Variants in NUP188 observed in about 807,000 individuals in gnomAD.
The protein encoded by NUP188 is nucleoporin NUP188.
NUP188 carries 97 observed loss-of-function variants against 223.0 expected under a neutral mutation model. The ratio of observed to expected loss-of-function variants is 0.43; its 90% CI spans 0.37 to 0.51. The LOEUF (loss-of-function observed/expected upper bound fraction) is 0.51, where lower values mean the gene tolerates loss of function less well. NUP188 is among the 20% of genes least tolerant of loss of function. The pLI, the probability that NUP188 is intolerant of heterozygous loss-of-function variation, is 0.00. For synonymous variants in NUP188, 869 were observed against 828.0 expected, an observed-to-expected ratio of 1.05 and a Z score of -0.85; for missense variants, 1,947 against 2,175.6, an observed-to-expected ratio of 0.89 and a Z score of 2.09.
chr9:128,963,579 ATGT>A (rs1255631791), intron 8 of NUP188, among the ~76,000 whole-genome samples: 5 of 152,264 alleles, frequency 3.3e-5, no homozygotes, highest in Non-Finnish European at 2.9e-5. Context: ...CCCACCAGAA[ATGT>A]ATGAGAATTC....
rs371908727 is a variant in NUP188 at position 128,981,350 on chromosome 9, T to G, written c.1476T>G (p.Thr492=). The G allele has an allele frequency of 1.9e-6, 3 of 1,613,950 alleles. No individual in the cohort carries two copies. The African/African-American group carries it at 4.0e-5, about 22-fold the overall frequency. Residue 492 remains threonine, a synonymous_variant, in exon 15 of 44, where the codon ACT becomes ACG. Coordinates refer to ENST00000372577, the MANE Select transcript of NUP188 (RefSeq NM_015354.3). ...ATGTGATCTCCCATGAAGATGGAAC[T>G]CTTTGGCGGAGACAAACACCCAAAC... is the stretch of plus-strand genomic sequence containing the variant. ...PHDVISHEDG[T]LWRRQTPKLL...
At chr9:128,986,528 C>CG in intron 20 of NUP188, 30 bp from the exon 21 acceptor site, 1 of 1,603,050 alleles carries the variant, frequency 6.2e-7, no homozygotes, top group Non-Finnish European at 8.5e-7. Context: ...CTTAAATGTG[C>CG]GGAAGTCCTC....
intron 3 of NUP188, among the ~76,000 whole-genome samples, chr9:128,954,934 A>T (rs966461807): frequency 2.0e-5 from 3 of 150,862 alleles, no homozygotes; most frequent in African/African-American, 4.9e-5. Context: ...GCTCACTGCA[A>T]CCTTTGCCTC....
chr9:128,968,557 A>G lies in NUP188; in HGVS notation c.637A>G (p.Met213Val), dbSNP rs767142903. 1.4e-5 allele frequency: 22 copies of G among 1,614,130 alleles called. No individual in the cohort carries two copies. In the East Asian group the frequency reaches 4.5e-4, roughly 33 times the overall value. Residue 213 changes from methionine (M) to valine (V), a missense_variant, in exon 9 of 44, where the codon ATG becomes GTG. Physicochemically the swap from Met to Val is conservative, Grantham distance 21. Transcript: ENST00000372577. The stretch of plus-strand genomic sequence containing the variant: ...TGTTCAGTGCCTTCGGGAACAGTCC[A>G]TGCTGCTAGAAATTATTTTCCTTTA... ...WFVQCLREQS[M>V]LLEIIFLYYA...
intron 8 of NUP188, among the ~76,000 whole-genome samples, chr9:128,962,790 G>A (rs1416533922): frequency 6.6e-6 from 1 of 152,154 alleles, no homozygotes; most frequent in Admixed American, 6.6e-5. Context: ...TTTTTAATGG[G>A]AAGCATTTTG....
chr9:129,003,433 T>G lies in NUP188; in HGVS notation c.4413T>G (p.Pro1471=). Residue 1471 remains proline (P), a synonymous_variant, in exon 38 of 44, where the codon CCT becomes CCG. Transcript: ENST00000372577. ...NFMKEWHFHL[P]QLMRDIQVNL... Reference sequence around the variant, plus strand: ...TGAAGGAGTGGCACTTCCACCTGCCTCAGCTCATGCGTGATATCCAGGTGG... The same window carrying G: ...TGAAGGAGTGGCACTTCCACCTGCCGCAGCTCATGCGTGATATCCAGGTGG... 2 of 1,611,830 alleles carry G rather than the reference T, an allele frequency of 1.2e-6. No homozygotes were observed. Among genetic ancestry groups the G allele is most frequent in the Non-Finnish European group, 1.7e-6 (2 of 1,179,958 alleles).
intron 8 of NUP188, among the ~76,000 whole-genome samples, chr9:128,959,385 G>T (rs946261861): frequency 2.7e-5 from 4 of 149,318 alleles, no homozygotes; most frequent in East Asian, 2.0e-4. Context: ...CAGGTGATCC[G>T]CCCACCTCAG....
At chr9:128,995,621 T>A in intron 30 of NUP188, 107 bp downstream of exon 30, 5 of 969,150 alleles carry the variant, frequency 5.2e-6, no homozygotes, top group Middle Eastern at 3.4e-4. Context: ...TCAGGGTTTA[T>A]CCCTGAGAGC....
chr9:128,966,583 C>T (rs530553733), intron 8 of NUP188, among the ~76,000 whole-genome samples: 3 of 152,238 alleles, frequency 2.0e-5, no homozygotes, highest in African/African-American at 7.2e-5. Flanking sequence ...AGGGATCTGA[C>T]CACCTTGGCC....
intron 8 of NUP188, among the ~76,000 whole-genome samples, chr9:128,962,177 T>C (rs1011630202): frequency 1.5e-4 from 23 of 152,002 alleles, no homozygotes; most frequent in African/African-American, 5.3e-4. Context: ...TCAGGTGATC[T>C]GCCTACCTCA....
chr9:128,985,971 G>T (rs984379367), intron 20 of NUP188, among the ~76,000 whole-genome samples: 2 of 152,108 alleles, frequency 1.3e-5, no homozygotes, highest in African/African-American at 4.8e-5. Flanking sequence ...CCTGGGAGGC[G>T]GAGGTTGCAG....
chr9:128,964,239 G>A (rs777282964), intron 8 of NUP188: 2 of 367,446 alleles, frequency 5.4e-6, no homozygotes, highest in Non-Finnish European at 1.1e-5. Flanking sequence ...GTTTTTTGTG[G>A]ATGTTTGTCT....
At chr9:128,955,122 A>T (rs1841850876) in intron 3 of NUP188, among the ~76,000 whole-genome samples, 2 of 152,288 alleles carry the variant, frequency 1.3e-5, no homozygotes, top group South Asian at 4.1e-4. Context: ...AAGTGCTGGG[A>T]TTACAGGCGT....
Position 129,001,936 on chromosome 9 carries a change from T to C in NUP188, c.4097T>C (p.Leu1366Pro). Residue 1366 changes from leucine to proline, a missense_variant, in exon 36 of 44, where the codon CTT becomes CCT. By Grantham distance (98) the Leu-to-Pro change is moderately conservative. Around this residue, in one of 3 missense-constraint regions of NUP188, gnomAD observed 905 missense variants for 990.6 expected, o/e 0.91. Transcript: ENST00000372577. ...ATCACCCAGAGCATTTGTTTGCCCC[T>C]TCTGAGTGTGTACCAGCTGAGCACC... ...AGITQSICLPLLSVYQLSTNG... is the reference protein window; with the variant it reads ...AGITQSICLPPLSVYQLSTNG... 6.2e-7 allele frequency: 1 copy of C among 1,614,170 alleles called. No homozygotes were observed.
In NUP188 at chr9:128,970,946, T is replaced by C. The variant is rs548196695; in HGVS notation, c.1101T>C (p.Ser367=). The change falls in exon 11 of 44, where the codon AGT becomes AGC. Residue 367 remains serine (S), a synonymous_variant. Transcript: ENST00000372577. ...YLTRLLQSLA[S]GGNDCTTSTA... is the part of the protein sequence containing the mutation. ...CCCGATTGCTCCAGTCCCTTGCCAG[T>C]GGGGGAAATGATGTGAGTTTAAGGC... 1 of 1,613,336 alleles carries C rather than the reference T, an allele frequency of 6.2e-7. No individual in the cohort carries two copies. The highest frequency in any genetic ancestry group is 1.1e-5 in the South Asian group (1 of 91,024).
In NUP188 at chr9:129,006,115, G is replaced by A. The variant is rs1245808504; in HGVS notation, c.4935G>A (p.Arg1645=). The part of the protein sequence containing the change: ...VGLSTQAEGT[R]TLKSLLMFTM... ...TCAGCACACAGGCAGAAGGGACCAGGACGTTAAAGTAAGTGCTCTTTCTGG... is the reference window on the plus strand; with the variant it reads ...TCAGCACACAGGCAGAAGGGACCAGAACGTTAAAGTAAGTGCTCTTTCTGG... Residue 1645 remains arginine, a synonymous_variant, in exon 42 of 44, where the codon AGG becomes AGA. Coordinates refer to ENST00000372577, the MANE Select transcript of NUP188 (RefSeq NM_015354.3). 8.7e-6 allele frequency: 14 copies of A among 1,614,030 alleles called. No homozygotes were observed. The East Asian group carries it at 8.9e-5, about 10-fold the overall frequency.
At chr9:128,978,507 G>A (rs1199882682) in intron 12 of NUP188, among the ~76,000 whole-genome samples, 1 of 140,148 alleles carries the variant, frequency 7.1e-6, no homozygotes, top group Non-Finnish European at 1.5e-5. Context: ...AGCTTGCAGT[G>A]AGCCAAGATC....
At chr9:128,978,617 C>T (rs1842212594) in intron 12 of NUP188, among the ~76,000 whole-genome samples, 1 of 149,040 alleles carries the variant, frequency 6.7e-6, no homozygotes, top group African/African-American at 2.5e-5. Flanking sequence ...ACCCAGAATT[C>T]TTGCACTCTA....
chr9:128,975,244 G>A, intron 12 of NUP188, among the ~76,000 whole-genome samples: 1 of 35,330 alleles, frequency 2.8e-5, no homozygotes, highest in Non-Finnish European at 5.1e-5. Flanking sequence ...TTTTTTTTTT[G>A]AGACGGAGTC....
Sources: allele counts gnomAD v4.1 joint callset (sites outside exome capture counted in the v4.1 genomes callset), GRCh38; gene constraint gnomAD v4.1.1; regional missense constraint gnomAD v4.1.1; transcripts MANE v1.5; gene names NCBI Gene and HGNC (gene_info 2026-07-23, HGNC 2026-07-21).